TMEM38B: variants seen among roughly 807,000 people sequenced by gnomAD.
TMEM38B encodes trimeric intracellular cation channel type B.
Under a neutral mutation model 28.7 loss-of-function variants are expected in TMEM38B, and 24 were observed. The ratio of observed to expected loss-of-function variants is 0.84; its 90% confidence interval spans 0.61 to 1.18. The LOEUF (loss-of-function observed/expected upper bound fraction) is 1.18. TMEM38B is among the 50% of genes most tolerant of loss of function. The pLI, the probability that TMEM38B is intolerant of heterozygous loss-of-function variation, is 0.00. For synonymous variants in TMEM38B, 131 were observed against 127.7 expected (o/e 1.03, Z -0.17); for missense variants, 380 against 350.9 (o/e 1.08, Z -0.66).
At chr9:105,739,527 G>C (rs561376332) in intron 4 of TMEM38B, among the ~76,000 whole-genome samples, 17 of 152,108 alleles carry the variant, frequency 1.1e-4, no homozygotes, top group African/African-American at 3.6e-4. Context: ...AATATTAAGT[G>C]TTCCTTTTTC....
At chr9:105,738,551 C>A (rs112425744) in intron 4 of TMEM38B, among the ~76,000 whole-genome samples, 201 of 151,902 alleles carry the variant, frequency 1.3e-3, no homozygotes, top group African/African-American at 4.6e-3. Context: ...TAGTTGGCCA[C>A]CTTGCTAACA....
In TMEM38B at chr9:105,736,046, A is replaced by AT. The variant is rs1332847190; in HGVS notation, c.543-12019dup. 2.9e-3 allele frequency among the ~76,000 whole-genome samples: 401 copies of AT among 136,712 alleles called. 4 individuals carry two copies. Among genetic ancestry groups the AT allele is most frequent in the African/African-American group, 0.011 (368 of 34,326 alleles). The allele number at this position is 136,712 out of a possible 152,430, so 89.7% of individuals were successfully genotyped here. A position where few individuals can be genotyped will look rare whatever the true frequency, so the allele number is the denominator to read the frequency against. On this transcript the variant is annotated intron_variant, in intron 4 of 5. Transcript: ENST00000374692. ...CACCATGCCTGACTAACTAAAACAC[A>AT]TTTTTTTTGTTTTTTTTTTTTTTGG... is the stretch of plus-strand genomic sequence containing the variant.
rs904574545 is a variant in TMEM38B at position 105,748,293 on chromosome 9, T to C, written c.660+103T>C. 1.0e-4 allele frequency: 84 copies of C among 800,776 alleles called. No homozygotes were observed. In the African/African-American group the frequency reaches 1.3e-3, roughly 13 times the overall value. 49.6% of individuals were successfully genotyped at this position (800,776 alleles called of 1,614,324 possible). On this transcript the variant is annotated intron_variant, in intron 5 of 5. Coordinates refer to ENST00000374692, the MANE Select transcript of TMEM38B (RefSeq NM_018112.3). ...AAGTAAGAGGAACATTTATTTATTA[T>C]TATTATCTAAGAGGAATAATTTGGG...
chr9:105,731,714 T>C (rs895511167), intron 4 of TMEM38B, among the ~76,000 whole-genome samples: 1 of 152,116 alleles, frequency 6.6e-6, no homozygotes, highest in Non-Finnish European at 1.5e-5. Context: ...CATTGTTGGA[T>C]ATTTGGGTTG....
intron 4 of TMEM38B, among the ~76,000 whole-genome samples, chr9:105,731,628 A>G (rs1836752236): frequency 6.6e-6 from 1 of 152,148 alleles, no homozygotes; most frequent in African/African-American, 2.4e-5. Flanking sequence ...CCTACAAAGG[A>G]CATGAACTCA....
chr9:105,714,891 G>A (rs981568638), intron 2 of TMEM38B, among the ~76,000 whole-genome samples: 3 of 152,174 alleles, frequency 2.0e-5, no homozygotes, highest in African/African-American at 7.2e-5. Context: ...TGATCATTAT[G>A]TCTAGGCCTT....
intron 4 of TMEM38B, among the ~76,000 whole-genome samples, chr9:105,742,220 A>G (rs1837232804): frequency 6.6e-6 from 1 of 152,218 alleles, no homozygotes; most frequent in African/African-American, 2.4e-5. Context: ...AGGAAAAGGA[A>G]GAATGACTTC....
intron 1 of TMEM38B, among the ~76,000 whole-genome samples, chr9:105,704,496 T>C (rs1011062552): frequency 6.6e-6 from 1 of 152,212 alleles, no homozygotes; most frequent in African/African-American, 2.4e-5. Flanking sequence ...TTTTGGGTGT[T>C]TTTTTGACTT....
intron 5 of TMEM38B, among the ~76,000 whole-genome samples, chr9:105,752,642 A>T (rs1837696042): frequency 6.6e-6 from 1 of 152,200 alleles, no homozygotes; most frequent in African/African-American, 2.4e-5. Context: ...TAAACAAAAA[A>T]GGCCCCACAA....
At chr9:105,765,974 C>T (rs1181642515) in intron 5 of TMEM38B, among the ~76,000 whole-genome samples, 5 of 151,822 alleles carry the variant, frequency 3.3e-5, no homozygotes, top group African/African-American at 1.2e-4. Context: ...GCTAATTTTT[C>T]ATATTTTTAG....
intron 2 of TMEM38B, among the ~76,000 whole-genome samples, chr9:105,720,659 T>C (rs1179584497): frequency 2.0e-5 from 3 of 152,132 alleles, no homozygotes; most frequent in East Asian, 3.8e-4. Context: ...AAATCGTGAA[T>C]TGCAATAAGA....
chr9:105,752,787 C>A (rs552549781), intron 5 of TMEM38B, among the ~76,000 whole-genome samples: 1 of 152,306 alleles, frequency 6.6e-6, no homozygotes, highest in East Asian at 1.9e-4. Context: ...AACATCTCTG[C>A]AGCAAGGGCA....
intron 4 of TMEM38B, among the ~76,000 whole-genome samples, chr9:105,744,898 C>T (rs1174565268): frequency 6.6e-6 from 1 of 152,154 alleles, no homozygotes; most frequent in Non-Finnish European, 1.5e-5. Flanking sequence ...TCATCCATGT[C>T]CCTACAAAGG....
At chr9:105,770,218 A>G (rs1003313568) in intron 5 of TMEM38B, among the ~76,000 whole-genome samples, 1 of 152,188 alleles carries the variant, frequency 6.6e-6, no homozygotes, top group African/African-American at 2.4e-5. Context: ...CCCAAATCCT[A>G]TTCTTAAGAC....
At chr9:105,706,925 C>T (rs1047448663) in intron 2 of TMEM38B, among the ~76,000 whole-genome samples, 6 of 151,974 alleles carry the variant, frequency 3.9e-5, no homozygotes, top group East Asian at 1.9e-4. Context: ...TACAGGCATG[C>T]GCCACCACGT....
rs1430372380 is a variant in TMEM38B, at chr9:105,776,621, T to C, written c.*2541T>C. The C allele has an allele frequency of 1.3e-5, 2 of 152,190 alleles. No homozygotes were observed. Among genetic ancestry groups the C allele is most frequent in the East Asian group, 3.9e-4 (2 of 5,192 alleles). The allele number at this position is 152,190 out of a possible 1,614,324, so 9.4% of individuals were successfully genotyped here. ...AGCCCTTTATAGTGTTTGCCCCAGG[T>C]GTAATTCACATCCTTGGTAATATTC... On this transcript the variant is annotated 3_prime_UTR_variant, in exon 6 of 6. Transcript: ENST00000374692.
At chr9:105,750,990 CAT>C (rs1428611939) in intron 5 of TMEM38B, among the ~76,000 whole-genome samples, 3 of 152,138 alleles carry the variant, frequency 2.0e-5, no homozygotes, top group African/African-American at 7.2e-5. Flanking sequence ...TTATTCCATC[CAT>C]ATGTGTGCCT....
intron 4 of TMEM38B, among the ~76,000 whole-genome samples, chr9:105,745,388 T>G (rs1837350398): frequency 6.6e-6 from 1 of 152,250 alleles, no homozygotes; most frequent in Non-Finnish European, 1.5e-5. Context: ...ATGTCTTCTT[T>G]TGAGAAGTGT....
At chr9:105,706,658 A>T (rs1835680892) in intron 2 of TMEM38B, among the ~76,000 whole-genome samples, 1 of 152,140 alleles carries the variant, frequency 6.6e-6, no homozygotes, top group South Asian at 2.1e-4. Context: ...GGCAAGGGAA[A>T]GGAGTAACAA....
Sources: gnomAD v4.1 joint callset for allele counts (sites outside exome capture counted in the v4.1 genomes callset) on GRCh38, gnomAD v4.1.1 for gene constraint, MANE v1.5 for transcripts, NCBI Gene and HGNC (gene_info 2026-07-23, HGNC 2026-07-21) for gene names.